FAM186A: variants seen among roughly 807,000 people sequenced by gnomAD.
FAM186A encodes protein FAM186A.
In FAM186A, 163 loss-of-function variants were observed where a neutral mutation model predicts 216.8. The ratio of observed to expected loss-of-function variants is 0.75; its 90% CI spans 0.66 to 0.86. The LOEUF (loss-of-function observed/expected upper bound fraction) is 0.86, where lower values mean the gene tolerates loss of function less well. Among genes scored for constraint, FAM186A ranks in the 40% least tolerant of loss-of-function variants. The pLI is 0.00. For missense variants in FAM186A, 2,184 were observed against 2,746.2 expected, an observed-to-expected ratio of 0.80 and a Z score of 4.58; for synonymous variants, 805 against 1,025.3, an observed-to-expected ratio of 0.79 and a Z score of 4.10.
intron 4 of FAM186A, among the ~76,000 whole-genome samples, chr12:50,348,850 G>C (rs559794095): frequency 6.6e-6 from 1 of 152,040 alleles, no homozygotes; most frequent in South Asian, 2.1e-4. Context: ...GCAACCACGC[G>C]TGGCCATTTT....
At chr12:50,339,906 C>T (rs1040234405) in intron 4 of FAM186A, among the ~76,000 whole-genome samples, 5 of 151,976 alleles carry the variant, frequency 3.3e-5, no homozygotes, top group Non-Finnish European at 7.4e-5. Context: ...GGCGCAATCT[C>T]GGTTCACTGC....
intron 2 of FAM186A, among the ~76,000 whole-genome samples, chr12:50,362,417 A>G (rs1480221406): frequency 1.3e-5 from 2 of 152,242 alleles, no homozygotes; most frequent in Non-Finnish European, 2.9e-5. Flanking sequence ...GGTTAATTAT[A>G]TAGGAAGTCA....
intron 3 of FAM186A, 78 bp downstream of exon 3, chr12:50,360,678 G>A (rs1311715440): frequency 3.7e-6 from 4 of 1,085,510 alleles, no homozygotes; most frequent in Non-Finnish European, 2.5e-6. Context: ...GAGCGAGACT[G>A]AAAAAAAAAA....
chr12:50,357,516 A>AGG (rs148904185), intron 3 of FAM186A, among the ~76,000 whole-genome samples: 1 of 142,398 alleles, frequency 7.0e-6, no homozygotes, highest in Non-Finnish European at 1.5e-5. Context: ...AAAAAAAAAA[A>AGG]AAGACACACA....
chr12:50,339,217 A>G (rs564382270), intron 4 of FAM186A, among the ~76,000 whole-genome samples: 4 of 151,904 alleles, frequency 2.6e-5, no homozygotes, highest in East Asian at 1.9e-4. Flanking sequence ...GGGTCTCACT[A>G]TGTTGCCCAG....
In FAM186A at chr12:50,350,405, T is replaced by C. The variant is rs1479990850; in HGVS notation, c.6427A>G (p.Ile2143Val). The change falls in exon 4 of 8, where the codon ATA becomes GTA. Residue 2143 changes from isoleucine (I) to valine (V), a missense_variant. Transcript: ENST00000327337. ...AACTGAACTGTGTCCATATGAAGTA[T>C]CTCAATTATGAGAGTCCTAGCCATT... The part of the protein sequence containing the change: ...HTMARTLIIE[I>V]LHMDTVQLGY... The C allele has an allele frequency of 1.3e-6, 2 of 1,551,494 alleles. No individual in the cohort carries two copies. Among genetic ancestry groups the C allele is most frequent in the South Asian group, 2.4e-5 (2 of 84,054 alleles).
rs548451889 is a variant in FAM186A at position 50,368,708 on chromosome 12, C to G, written c.193-5344G>C. ...TGGAATCTCAAGGGATCCTGAATGG[C>G]TGAAACAATCTTGAAAAAGAATAAC... On this transcript the variant is annotated intron_variant, in intron 1 of 7. Coordinates refer to ENST00000327337, the MANE Select transcript of FAM186A (RefSeq NM_001145475.3). Among the ~76,000 whole-genome samples, 10 of 151,812 alleles carry G rather than the reference C, an allele frequency of 6.6e-5. No homozygotes were observed. The South Asian group carries it at 2.1e-3, about 31-fold the overall frequency.
intron 4 of FAM186A, among the ~76,000 whole-genome samples, chr12:50,349,644 CTTT>C (rs973840520): frequency 3.4e-5 from 1 of 29,432 alleles, no homozygotes; most frequent in African/African-American, 9.7e-5. Flanking sequence ...GGCAGGATCT[CTTT>C]TTATTATTAT....
At chr12:50,364,558 A>AAAATAAAT (rs35338132) in intron 1 of FAM186A, among the ~76,000 whole-genome samples, 166 of 144,570 alleles carry the variant, frequency 1.1e-3, no homozygotes, top group African/African-American at 2.3e-3. Flanking sequence ...ACACTGTCTA[A>AAAATAAAT]AAATAAATAA....
chr12:50,375,274 G>A (rs909576701), intron 1 of FAM186A, among the ~76,000 whole-genome samples: 7 of 152,118 alleles, frequency 4.6e-5, no homozygotes, highest in African/African-American at 1.7e-4. Context: ...TTGGCCGAGT[G>A]TGGTGGCTCA....
At chr12:50,388,614 C>A (rs763978104) in intron 1 of FAM186A, among the ~76,000 whole-genome samples, 95 of 142,550 alleles carry the variant, frequency 6.7e-4, no homozygotes, top group Non-Finnish European at 1.2e-3. Context: ...AGTGAAACTC[C>A]GTCTCAAAAA....
chr12:50,365,122 C>T (rs994711421), intron 1 of FAM186A, among the ~76,000 whole-genome samples: 11 of 151,034 alleles, frequency 7.3e-5, no homozygotes, highest in Admixed American at 1.3e-4. Flanking sequence ...ACAAATACTA[C>T]GTAAATCAAT....
Position 50,352,226 on chromosome 12 carries a change from C to A in FAM186A, c.4606G>T (p.Ala1536Ser). Reference sequence around the variant, plus strand: ...GTGAGAGGGATCCCCAATTCCTGAGCCTGCGGAGGGATCAGAGGGATCCCC... The same window carrying A: ...GTGAGAGGGATCCCCAATTCCTGAGACTGCGGAGGGATCAGAGGGATCCCC... Reference protein sequence around the residue: ...ALGIPLIPPQAQELGIPLTPQ... With the variant: ...ALGIPLIPPQSQELGIPLTPQ... The change falls in exon 4 of 8, where the codon GCT (alanine) becomes TCT (serine). Residue 1536 changes from alanine to serine, a missense_variant. Around this residue, in one of 7 missense-constraint regions of FAM186A, gnomAD observed 19 missense variants for 22.4 expected, o/e 0.85. Coordinates refer to ENST00000327337, the MANE Select transcript of FAM186A (RefSeq NM_001145475.3). 4.6e-6 allele frequency: 7 copies of A among 1,514,778 alleles called. No homozygotes were observed. The highest frequency in any genetic ancestry group is 2.6e-5 in the East Asian group (1 of 39,162). The allele number at this position is 1,514,778 out of a possible 1,614,324, so 93.8% of individuals were successfully genotyped here.
intron 1 of FAM186A, among the ~76,000 whole-genome samples, chr12:50,374,410 T>C (rs1215157317): frequency 6.6e-6 from 1 of 151,436 alleles, no homozygotes; most frequent in Non-Finnish European, 1.5e-5. Context: ...TAAAATAAAA[T>C]AGAAAATAGA....
intron 1 of FAM186A, among the ~76,000 whole-genome samples, chr12:50,383,935 T>C (rs1943278434): frequency 6.6e-6 from 1 of 152,000 alleles, no homozygotes; most frequent in Non-Finnish European, 1.5e-5. Flanking sequence ...CTGGCTAACA[T>C]GGTGAGACCC....
intron 1 of FAM186A, among the ~76,000 whole-genome samples, chr12:50,374,060 C>A (rs1943174334): frequency 6.7e-6 from 1 of 148,870 alleles, no homozygotes; most frequent in South Asian, 2.1e-4. Flanking sequence ...AACAAAAAAC[C>A]AAACACCGCA....
At chr12:50,386,871 T>C (rs1351141513) in intron 1 of FAM186A, among the ~76,000 whole-genome samples, 1 of 148,604 alleles carries the variant, frequency 6.7e-6, no homozygotes, top group Non-Finnish European at 1.5e-5. Context: ...AATGAGACTC[T>C]GTCTCAAAAA....
chr12:50,364,972 A>G (rs180966125), intron 1 of FAM186A, among the ~76,000 whole-genome samples: 1 of 143,728 alleles, frequency 7.0e-6, no homozygotes, highest in African/African-American at 2.6e-5. Context: ...CAGGAGGTAA[A>G]GGTTGCAGTG....
intron 1 of FAM186A, among the ~76,000 whole-genome samples, chr12:50,390,703 C>T (rs775501097): frequency 6.6e-6 from 1 of 152,144 alleles, no homozygotes; most frequent in Non-Finnish European, 1.5e-5. Flanking sequence ...AAGGTCTGAA[C>T]TCTAGAGAAG....
Sources: gnomAD v4.1 joint callset for allele counts (sites outside exome capture counted in the v4.1 genomes callset) on GRCh38, gnomAD v4.1.1 for gene constraint, gnomAD v4.1.1 regional missense constraint, MANE v1.5 for transcripts, NCBI Gene and HGNC (gene_info 2026-07-23, HGNC 2026-07-21) for gene names.